KLF8: variants seen among roughly 807,000 people sequenced by gnomAD.
KLF8 encodes KLF transcription factor 8, also known as Krueppel-like factor 8.
KLF8 carries 10 observed loss-of-function variants against 18.2 expected under a neutral mutation model. The observed-to-expected ratio is 0.55, with a 90% CI of 0.34 to 0.93. KLF8 has a LOEUF of 0.93. KLF8 is among the 40% of genes least tolerant of loss of function. The pLI, the probability that KLF8 is intolerant of heterozygous loss-of-function variation, is 0.02. For missense variants in KLF8, 264 were observed against 277.9 expected, an observed-to-expected ratio of 0.95 and a Z score of 0.36; for synonymous variants, 109 against 97.3, an observed-to-expected ratio of 1.12 and a Z score of -0.71.
intron 1 of KLF8, among the ~76,000 whole-genome samples, chrX:56,243,737 T>A (rs112178042): frequency 1.8e-5 from 2 of 109,137 alleles, no homozygotes; most frequent in African/African-American, 6.7e-5. Flanking sequence ...GGTTTCACCA[T>A]GTTGGCCAGG....
chrX:56,160,314 T>G, the KLF8 span, among the ~76,000 whole-genome samples: 3 of 111,919 alleles, frequency 2.7e-5, no homozygotes, highest in South Asian at 1.1e-3. Context: ...TCCAACTATG[T>G]GGTCAGTTTT....
the KLF8 span, among the ~76,000 whole-genome samples, chrX:56,054,072 C>T: frequency 4.5e-5 from 5 of 110,412 alleles, no homozygotes. Context: ...TTCTCTAGTT[C>T]TTCTAGTTGT....
the KLF8 span, among the ~76,000 whole-genome samples, chrX:56,020,239 A>G: frequency 9.0e-6 from 1 of 111,658 alleles, no homozygotes; most frequent in Non-Finnish European, 1.9e-5. Context: ...TATTTAGAGA[A>G]GATAAGAGCT....
chrX:56,112,697 A>G, the KLF8 span, among the ~76,000 whole-genome samples: 1 of 111,256 alleles, frequency 9.0e-6, no homozygotes, highest in Non-Finnish European at 1.9e-5. Context: ...ATTGTCCTAT[A>G]TTCAAGTTCA....
chrX:56,092,778 G>A, the KLF8 span, among the ~76,000 whole-genome samples: 2 of 109,331 alleles, frequency 1.8e-5, no homozygotes, highest in Non-Finnish European at 1.9e-5. Context: ...TATTCAAAGG[G>A]CTCTAATGGA....
chrX:55,917,605 T>A, the KLF8 span, among the ~76,000 whole-genome samples: 1 of 111,430 alleles, frequency 9.0e-6, no homozygotes, highest in African/African-American at 3.3e-5. Context: ...AGAGTGACCT[T>A]GGGAATCTTA....
chrX:56,232,923 T>G lies in KLF8; in HGVS notation c.-412T>G. The G allele has an allele frequency of 6.5e-6, 1 of 153,482 alleles. No individual in the cohort carries two copies. The highest frequency in any genetic ancestry group is 1.4e-4 in the East Asian group (1 of 7,155). 12.6% of individuals were successfully genotyped at this position (153,482 alleles called of 1,213,427 possible). On this transcript the variant is annotated 5_prime_UTR_variant, in exon 1 of 6. It removes the in-frame stop codon of an upstream open reading frame in the 5' UTR. Coordinates refer to ENST00000468660, the MANE Select transcript of KLF8 (RefSeq NM_007250.5). ...GCGGGCTTGGCCGGAACTGAATTGG[T>G]AGAGGTAAAAGGGGAACGGAGGACC...
At chrX:56,136,723 G>A in the KLF8 span, among the ~76,000 whole-genome samples, 54 of 111,408 alleles carry the variant, frequency 4.8e-4, 1 homozygote, top group South Asian at 0.019. Context: ...AACGCCAAAA[G>A]CAATGGCAAC....
the KLF8 span, among the ~76,000 whole-genome samples, chrX:55,997,330 C>T: frequency 1.8e-5 from 2 of 112,011 alleles, no homozygotes; most frequent in African/African-American, 3.3e-5. Context: ...TGCACCAAAC[C>T]CTCTGGGGTC....
chrX:56,220,851 C>T, the KLF8 span, among the ~76,000 whole-genome samples: 1 of 112,285 alleles, frequency 8.9e-6, no homozygotes. Context: ...TTCTTTTTCA[C>T]AAAAAAAGTG....
chrX:56,190,962 T>A, the KLF8 span, among the ~76,000 whole-genome samples: 1 of 110,836 alleles, frequency 9.0e-6, no homozygotes, highest in Non-Finnish European at 1.9e-5. Flanking sequence ...ATACTACAGA[T>A]AACAAAAGAA....
chrX:56,212,384 G>A, the KLF8 span, among the ~76,000 whole-genome samples: 1 of 112,008 alleles, frequency 8.9e-6, no homozygotes, highest in South Asian at 3.8e-4. Flanking sequence ...TTAACTCTAG[G>A]ATTCACGTAA....
At chrX:56,060,834 T>C in the KLF8 span, among the ~76,000 whole-genome samples, 1 of 111,964 alleles carries the variant, frequency 8.9e-6, no homozygotes, top group Non-Finnish European at 1.9e-5. Flanking sequence ...TGGGTTTTTT[T>C]GGTTGGTAGG....
chrX:55,956,169 C>CTATCTATCTATCATCT, the KLF8 span, among the ~76,000 whole-genome samples: 1 of 81,867 alleles, frequency 1.2e-5, no homozygotes, highest in Non-Finnish European at 2.1e-5. Flanking sequence ...ATCTATCTAT[C>CTATCTATCTATCATCT]ATCTATCTAT....
At chrX:56,260,979 T>A (rs2066875105) in intron 2 of KLF8, among the ~76,000 whole-genome samples, 1 of 111,841 alleles carries the variant, frequency 8.9e-6, no homozygotes, top group Non-Finnish European at 1.9e-5. Context: ...CAGAGCTGTT[T>A]CAAATACATG....
chrX:56,189,252 C>A, the KLF8 span, among the ~76,000 whole-genome samples: 1 of 111,665 alleles, frequency 9.0e-6, no homozygotes, highest in Non-Finnish European at 1.9e-5. Context: ...TTTATGCAGC[C>A]AAAAAACACA....
chrX:56,091,996 T>G, the KLF8 span, among the ~76,000 whole-genome samples: 3 of 102,801 alleles, frequency 2.9e-5, no homozygotes, highest in Admixed American at 3.0e-4. Context: ...TTTTTTTTTT[T>G]GACTTTTTAA....
At chrX:56,049,216 G>A in the KLF8 span, among the ~76,000 whole-genome samples, 1 of 111,376 alleles carries the variant, frequency 9.0e-6, no homozygotes, top group Non-Finnish European at 1.9e-5. Context: ...CTGCAAAAAG[G>A]GACAATTTGA....
intron 2 of KLF8, among the ~76,000 whole-genome samples, chrX:56,252,292 G>A (rs1416060196): frequency 3.6e-5 from 4 of 111,551 alleles, no homozygotes; most frequent in Non-Finnish European, 7.5e-5. Flanking sequence ...GGGGATTACA[G>A]GAGAGAGCCA....
Sources: gnomAD v4.1 joint callset for allele counts (sites outside exome capture counted in the v4.1 genomes callset) on GRCh38, gnomAD v4.1.1 for gene constraint, MANE v1.5 for transcripts, NCBI Gene and HGNC (gene_info 2026-07-23, HGNC 2026-07-21) for gene names.